PLEKHH2: variants seen among roughly 807,000 people sequenced by gnomAD.
PLEKHH2 encodes pleckstrin homology domain-containing family H member 2.
PLEKHH2 carries 129 observed loss-of-function variants against 187.9 expected under a neutral mutation model. The observed-to-expected ratio is 0.69, with a 90% CI of 0.59 to 0.79. The LOEUF is 0.79. Among genes scored for constraint, PLEKHH2 ranks in the 30% least tolerant of loss-of-function variants. The probability of loss-of-function intolerance (pLI) is 0.00; values close to 1 mark genes in which losing one functional copy is unlikely to be tolerated. For missense variants in PLEKHH2, 2,076 were observed against 1,751.2 expected (o/e 1.19, Z -3.31); for synonymous variants, 686 against 605.6 (o/e 1.13, Z -1.95).
chr2:43,655,987 C>G (rs1438450915), intron 2 of PLEKHH2, among the ~76,000 whole-genome samples: 1 of 148,830 alleles, frequency 6.7e-6, no homozygotes, highest in Non-Finnish European at 1.5e-5. Context: ...GAGATAGAGT[C>G]TCGCTGTATT....
chr2:43,709,887 C>A, intron 11 of PLEKHH2, 103 bp from the exon 12 acceptor site: 1 of 1,163,430 alleles, frequency 8.6e-7, no homozygotes, highest in Non-Finnish European at 1.2e-6. Flanking sequence ...TCTAGGGAGG[C>A]TTATGATTTA....
chr2:43,746,097 C>G (rs1558610950), intron 24 of PLEKHH2, 134 bp downstream of exon 24: 2 of 522,162 alleles, frequency 3.8e-6, no homozygotes, highest in South Asian at 6.0e-5. Flanking sequence ...AATGATAACT[C>G]TGTTTCTATA....
chr2:43,707,678 C>G (rs1042669947), intron 11 of PLEKHH2, 133 bp downstream of exon 11: 1 of 951,692 alleles, frequency 1.1e-6, no homozygotes, highest in African/African-American at 1.7e-5. Flanking sequence ...GAACTTTAGC[C>G]TATGACTGAT....
At chr2:43,659,719 TG>T (rs1047346738) in intron 2 of PLEKHH2, among the ~76,000 whole-genome samples, 1 of 151,908 alleles carries the variant, frequency 6.6e-6, no homozygotes, top group Non-Finnish European at 1.5e-5. Context: ...CCATCATGCC[TG>T]GGTAATTTTT....
chr2:43,739,928 TG>T (rs1031509909), intron 20 of PLEKHH2, among the ~76,000 whole-genome samples: 2 of 152,238 alleles, frequency 1.3e-5, no homozygotes, highest in Admixed American at 6.5e-5. Context: ...TTCCTTCCAT[TG>T]GTTATGCTTT....
intron 2 of PLEKHH2, among the ~76,000 whole-genome samples, chr2:43,648,912 T>C (rs1482421002): frequency 6.6e-6 from 1 of 152,184 alleles, no homozygotes; most frequent in Non-Finnish European, 1.5e-5. Flanking sequence ...AGCAGATGTA[T>C]TTCTGAATTT....
At chr2:43,754,205 CAA>C (rs148172112) in intron 25 of PLEKHH2, among the ~76,000 whole-genome samples, 9 of 143,076 alleles carry the variant, frequency 6.3e-5, no homozygotes, top group Non-Finnish European at 1.2e-4. Context: ...CACACACACA[CAA>C]AATTAATACT....
chr2:43,732,375 A>G (rs1009685868), intron 19 of PLEKHH2, among the ~76,000 whole-genome samples: 2 of 152,072 alleles, frequency 1.3e-5, no homozygotes, highest in African/African-American at 4.8e-5. Context: ...AAAAAAAAAA[A>G]TTATCAAAGA....
At chr2:43,725,986 C>T (rs1670722049) in intron 16 of PLEKHH2, among the ~76,000 whole-genome samples, 1 of 151,262 alleles carries the variant, frequency 6.6e-6, no homozygotes, top group African/African-American at 2.4e-5. Context: ...GGCATGGTGG[C>T]ATGTGCCTGT....
chr2:43,676,239 T>C (rs1667777890), intron 2 of PLEKHH2: 1 of 1,613,862 alleles, frequency 6.2e-7, no homozygotes, highest in Admixed American at 1.7e-5. Context: ...GAATGTGAAT[T>C]TGGCCAAACA....
intron 22 of PLEKHH2, among the ~76,000 whole-genome samples, chr2:43,743,491 AT>A (rs1191188839): frequency 2.6e-5 from 4 of 152,190 alleles, no homozygotes; most frequent in Non-Finnish European, 4.4e-5. Context: ...TTTCTTGTTT[AT>A]TTTCCATTTG....
intron 2 of PLEKHH2, among the ~76,000 whole-genome samples, chr2:43,650,685 G>C (rs1666424041): frequency 6.7e-6 from 1 of 149,396 alleles, no homozygotes; most frequent in African/African-American, 2.5e-5. Flanking sequence ...TCACTCTGCT[G>C]CCCAAGCTGG....
intron 15 of PLEKHH2, among the ~76,000 whole-genome samples, chr2:43,716,619 T>G (rs187439568): frequency 6.6e-6 from 1 of 152,228 alleles, no homozygotes; most frequent in Non-Finnish European, 1.5e-5. Context: ...AGGATAGTGG[T>G]TTTTTCTAAC....
chr2:43,706,188 C>G (rs1270044717), intron 9 of PLEKHH2, 134 bp from the exon 10 acceptor site: 11 of 691,188 alleles, frequency 1.6e-5, no homozygotes, highest in Non-Finnish European at 2.8e-5. Context: ...GTAAAGTAGA[C>G]TATACAGTTA....
At chr2:43,712,104 C>A in intron 14 of PLEKHH2, 121 bp from the exon 15 acceptor site, 1 of 1,360,908 alleles carries the variant, frequency 7.3e-7, no homozygotes, top group South Asian at 1.4e-5. Context: ...GAAACTGGGA[C>A]TTGAGATTTA....
chr2:43,740,769 C>A, intron 20 of PLEKHH2, 177 bp from the exon 21 acceptor site: 1 of 1,175,690 alleles, frequency 8.5e-7, no homozygotes, highest in Non-Finnish European at 1.1e-6. Flanking sequence ...AGATCTGACC[C>A]AATGTAGAGT....
intron 2 of PLEKHH2, among the ~76,000 whole-genome samples, chr2:43,652,086 G>C (rs2104351287): frequency 6.6e-6 from 1 of 152,312 alleles, no homozygotes; most frequent in East Asian, 1.9e-4. Context: ...GAGAGTATCT[G>C]CTGGGCGGTG....
intron 8 of PLEKHH2, 75 bp from the exon 9 acceptor site, chr2:43,703,906 T>G: frequency 1.1e-6 from 1 of 927,950 alleles, no homozygotes; most frequent in Non-Finnish European, 1.7e-6. Context: ...ACATGTGTAT[T>G]GAAAGTAGTC....
intron 15 of PLEKHH2, among the ~76,000 whole-genome samples, chr2:43,716,951 G>C (rs1177706992): frequency 6.6e-6 from 1 of 152,174 alleles, no homozygotes; most frequent in African/African-American, 2.4e-5. Flanking sequence ...TTGTTGAGTG[G>C]ATTTGTTAGA....
Sources: allele counts gnomAD v4.1 joint callset (sites outside exome capture counted in the v4.1 genomes callset), GRCh38; gene constraint gnomAD v4.1.1; transcripts MANE v1.5; gene names NCBI Gene and HGNC (gene_info 2026-07-23, HGNC 2026-07-21).